The following CSTPP1 variants were observed in gnomAD, a reference collection of about 807,000 sequenced individuals.
CSTPP1 encodes the protein centriolar satellite-associated tubulin polyglutamylase complex regulator 1.
the CSTPP1 span, chr11:47,155,195 G>A: frequency 6.2e-7 from 1 of 1,613,378 alleles, no homozygotes; most frequent in East Asian, 2.2e-5. Context: ...CATGGACGAT[G>A]CCATGGACTG....
At chr11:47,085,346 A>G in the CSTPP1 span, among the ~76,000 whole-genome samples, 1 of 152,176 alleles carries the variant, frequency 6.6e-6, no homozygotes, top group African/African-American at 2.4e-5. Context: ...GCTTTTTTAA[A>G]AAGTTACATT....
At chr11:47,071,125 A>G in the CSTPP1 span, among the ~76,000 whole-genome samples, 2 of 152,186 alleles carry the variant, frequency 1.3e-5, no homozygotes, top group African/African-American at 4.8e-5. Context: ...CATTTGTCCT[A>G]TCATACCTTA....
the CSTPP1 span, among the ~76,000 whole-genome samples, chr11:47,133,143 T>A: frequency 1.1e-4 from 17 of 152,300 alleles, no homozygotes; most frequent in East Asian, 3.3e-3. Flanking sequence ...AACTCCAAAG[T>A]CCATGCTATT....
the CSTPP1 span, among the ~76,000 whole-genome samples, chr11:47,018,451 C>T: frequency 1.1e-4 from 16 of 151,852 alleles, no homozygotes; most frequent in East Asian, 5.8e-4. Flanking sequence ...CCTGCCACTG[C>T]GCCTGGCTAA....
At chr11:47,109,695 C>T in the CSTPP1 span, among the ~76,000 whole-genome samples, 1 of 152,192 alleles carries the variant, frequency 6.6e-6, no homozygotes, top group African/African-American at 2.4e-5. Flanking sequence ...AATGGGGCAG[C>T]CTGGGGCAGC....
chr11:47,000,480 G>A, the CSTPP1 span, among the ~76,000 whole-genome samples: 4 of 152,096 alleles, frequency 2.6e-5, no homozygotes, highest in Non-Finnish European at 4.4e-5. Context: ...AGGAGAGCTC[G>A]CTTTTATGAT....
At chr11:46,997,240 G>A in the CSTPP1 span, among the ~76,000 whole-genome samples, 9 of 152,122 alleles carry the variant, frequency 5.9e-5, no homozygotes, top group African/African-American at 2.2e-4. Flanking sequence ...ATTTCTTGGA[G>A]GCTTTGTTCG....
the CSTPP1 span, among the ~76,000 whole-genome samples, chr11:47,048,994 T>G: frequency 6.6e-6 from 1 of 152,252 alleles, no homozygotes; most frequent in Middle Eastern, 3.4e-3. Flanking sequence ...TTTGTTTGTT[T>G]ATTTATTTTG....
the CSTPP1 span, among the ~76,000 whole-genome samples, chr11:47,098,402 C>T: frequency 6.6e-6 from 1 of 151,860 alleles, no homozygotes; most frequent in Non-Finnish European, 1.5e-5. Flanking sequence ...GGGGAGAAGG[C>T]CTCTTCATCT....
the CSTPP1 span, among the ~76,000 whole-genome samples, chr11:47,033,982 G>T: frequency 6.6e-6 from 1 of 152,090 alleles, no homozygotes; most frequent in African/African-American, 2.4e-5. Flanking sequence ...GTCCATGTTG[G>T]TGTGCTGCAC....
the CSTPP1 span, among the ~76,000 whole-genome samples, chr11:46,974,785 G>A: frequency 2.6e-5 from 4 of 151,280 alleles, no homozygotes; most frequent in African/African-American, 4.9e-5. Flanking sequence ...AACCTGGGAG[G>A]TAGAGGTTGC....
chr11:47,145,418 C>G, the CSTPP1 span, among the ~76,000 whole-genome samples: 1 of 151,870 alleles, frequency 6.6e-6, no homozygotes, highest in Non-Finnish European at 1.5e-5. Context: ...GGTGAAACCC[C>G]GTCTCTACTA....
At chr11:46,964,289 CTT>C in the CSTPP1 span, among the ~76,000 whole-genome samples, 23 of 141,818 alleles carry the variant, frequency 1.6e-4, no homozygotes, top group African/African-American at 2.7e-4. Context: ...CTCTCTCTCT[CTT>C]TTTTTTTTTT....
the CSTPP1 span, among the ~76,000 whole-genome samples, chr11:47,072,354 C>A: frequency 2.6e-5 from 4 of 152,132 alleles, no homozygotes; most frequent in Non-Finnish European, 4.4e-5. Flanking sequence ...CCAAACAGAA[C>A]CTTTAAAGCT....
chr11:47,143,301 G>A, the CSTPP1 span, among the ~76,000 whole-genome samples: 1 of 152,178 alleles, frequency 6.6e-6, no homozygotes, highest in Non-Finnish European at 1.5e-5. Flanking sequence ...AAATGGAGGT[G>A]GTAGAGACTT....
At chr11:47,103,857 A>ATG in the CSTPP1 span, 1 of 151,594 alleles carries the variant, frequency 6.6e-6, no homozygotes, top group African/African-American at 2.4e-5. Context: ...TTTTTAATTA[A>ATG]TGGGGTCTCA....
At chr11:47,006,610 G>GA in the CSTPP1 span, among the ~76,000 whole-genome samples, 1 of 150,346 alleles carries the variant, frequency 6.7e-6, no homozygotes, top group Non-Finnish European at 1.5e-5. Context: ...TTTGAGGCAG[G>GA]ATCTCTGTCT....
the CSTPP1 span, among the ~76,000 whole-genome samples, chr11:47,065,482 T>G: frequency 6.6e-6 from 1 of 152,186 alleles, no homozygotes; most frequent in South Asian, 2.1e-4. Flanking sequence ...CTCACTCTGT[T>G]GCCCAGACTG....
chr11:47,157,827 C>T, the CSTPP1 span: 11 of 1,614,106 alleles, frequency 6.8e-6, no homozygotes, highest in Non-Finnish European at 9.3e-6. Flanking sequence ...CCACCCCCAG[C>T]ACTTGTCAAA....
Sources: allele counts gnomAD v4.1 joint callset (sites outside exome capture counted in the v4.1 genomes callset), GRCh38; gene constraint gnomAD v4.1.1; transcripts MANE v1.5; gene names NCBI Gene and HGNC (gene_info 2026-07-23, HGNC 2026-07-21).